The following MEGF10 variants were observed in gnomAD, a reference collection of about 807,000 sequenced individuals.
MEGF10 encodes the protein multiple epidermal growth factor-like domains protein 10.
MEGF10 carries 86 observed loss-of-function variants against 147.5 expected under a neutral mutation model. That is an observed-to-expected ratio of 0.58 (90% CI 0.49 to 0.70). The LOEUF is 0.70. Among genes scored for constraint, MEGF10 ranks in the 30% least tolerant of loss-of-function variants. The pLI, the probability that MEGF10 is intolerant of heterozygous loss-of-function variation, is 0.00. For synonymous variants in MEGF10, 478 were observed against 525.5 expected (o/e 0.91, Z 1.24); for missense variants, 1,329 against 1,487.3 (o/e 0.89, Z 1.75).
intron 1 of MEGF10, among the ~76,000 whole-genome samples, chr5:127,303,635 A>G (rs1013683098): frequency 1.6e-4 from 24 of 152,238 alleles, no homozygotes; most frequent in African/African-American, 5.5e-4. Flanking sequence ...CTAAGATTAA[A>G]CACATTTCCT....
the MEGF10 span, among the ~76,000 whole-genome samples, chr5:127,246,971 A>G: frequency 0.096 from 480 of 5,020 alleles, 24 homozygotes; most frequent in African/African-American, 0.18. Flanking sequence ...ATATAATAAT[A>G]TATGTATAAA....
At chr5:127,319,776 G>T (rs1439348435) in intron 1 of MEGF10, among the ~76,000 whole-genome samples, 1 of 152,148 alleles carries the variant, frequency 6.6e-6, no homozygotes, top group East Asian at 1.9e-4. Flanking sequence ...GCACCCTAGG[G>T]CCAATTATCT....
At chr5:127,400,021 A>C (rs1764065482) in intron 7 of MEGF10, among the ~76,000 whole-genome samples, 1 of 152,242 alleles carries the variant, frequency 6.6e-6, no homozygotes, top group Admixed American at 6.5e-5. Context: ...TAGAGTCTCC[A>C]CAGCCAGACC....
At chr5:127,276,511 G>T in the MEGF10 span, among the ~76,000 whole-genome samples, 1 of 152,216 alleles carries the variant, frequency 6.6e-6, no homozygotes, top group Admixed American at 6.5e-5. Flanking sequence ...CAACTCTGTG[G>T]TTTGGGCAAA....
rs148212621 is a variant in MEGF10, at chr5:127,433,419, C to A, written c.1750C>A (p.Pro584Thr). ...ACGCTGGGGCCCCAACTGCTCCCTG[C>A]CCTGCTACTGTAAAAATGGGGCTTC... ...EGRWGPNCSL[P>T]CYCKNGASCS... The change falls in exon 14 of 25, where the codon CCC (proline) becomes ACC (threonine). Residue 584 changes from proline to threonine, a missense_variant. By Grantham distance (38) the Pro-to-Thr change is conservative. Coordinates refer to ENST00000503335, the MANE Select transcript of MEGF10 (RefSeq NM_001256545.2). 62 of 1,613,988 alleles carry A rather than the reference C, an allele frequency of 3.8e-5. 1 individual carries two copies. The highest frequency in any genetic ancestry group is 4.6e-5 in the Non-Finnish European group (54 of 1,180,002).
chr5:127,410,482 C>T lies in MEGF10; in HGVS notation c.1011C>T (p.Gly337=), dbSNP rs148970564. The T allele has an allele frequency of 3.0e-5, 48 of 1,614,040 alleles. No homozygotes were observed. The highest frequency in any genetic ancestry group is 1.3e-4 in the African/African-American group (10 of 74,934). The change falls in exon 9 of 25, where the codon GGC becomes GGT. Residue 337 remains glycine, a synonymous_variant. Coordinates refer to ENST00000503335, the MANE Select transcript of MEGF10 (RefSeq NM_001256545.2). The part of the protein sequence containing the change: ...VNGGKCYHVS[G]ACLCEAGFAG... ...GAGGGAAGTGTTACCACGTGAGCGGCGCATGCCTCTGTGAAGCAGGCTTTG... is the reference window on the plus strand; with the variant it reads ...GAGGGAAGTGTTACCACGTGAGCGGTGCATGCCTCTGTGAAGCAGGCTTTG...
At chr5:127,277,239 G>T in the MEGF10 span, among the ~76,000 whole-genome samples, 9 of 152,166 alleles carry the variant, frequency 5.9e-5, no homozygotes, top group Non-Finnish European at 1.3e-4. Flanking sequence ...ATCTGGAATT[G>T]CCTTCAACAG....
intron 2 of MEGF10, among the ~76,000 whole-genome samples, chr5:127,338,022 T>G (rs920232135): frequency 1.3e-5 from 2 of 152,126 alleles, no homozygotes; most frequent in Non-Finnish European, 2.9e-5. Flanking sequence ...TGATACATAA[T>G]GACTACCAGA....
chr5:127,309,302 A>G (rs916407845), intron 1 of MEGF10, among the ~76,000 whole-genome samples: 6 of 152,250 alleles, frequency 3.9e-5, no homozygotes, highest in African/African-American at 1.4e-4. Context: ...ATAACATACC[A>G]TACAATTCAG....
chr5:127,447,513 T>G (rs751536850), intron 20 of MEGF10, 44 bp from the exon 21 acceptor site: 1 of 1,612,602 alleles, frequency 6.2e-7, no homozygotes, highest in Admixed American at 1.7e-5. Flanking sequence ...TCACACACAT[T>G]TATGGGAGCC....
intron 2 of MEGF10, among the ~76,000 whole-genome samples, chr5:127,335,803 G>A (rs991771954): frequency 2.0e-5 from 3 of 151,914 alleles, no homozygotes; most frequent in African/African-American, 7.2e-5. Context: ...ACAACATGCT[G>A]TTGGTGGTTA....
chr5:127,449,040 G>T, intron 21 of MEGF10, 59 bp from the exon 22 acceptor site: 2 of 1,598,936 alleles, frequency 1.3e-6, no homozygotes, highest in African/African-American at 1.3e-5. Flanking sequence ...GGTCCATAAC[G>T]CTGTGCTGTG....
chr5:127,445,851 T>A (rs1205935698), intron 20 of MEGF10, among the ~76,000 whole-genome samples, 158 bp downstream of exon 20: 1 of 152,068 alleles, frequency 6.6e-6, no homozygotes, highest in Non-Finnish European at 1.5e-5. Context: ...TAGAGATGAG[T>A]TTTTTATTTC....
At chr5:127,370,156 A>C (rs1762799977) in intron 5 of MEGF10, among the ~76,000 whole-genome samples, 154 bp downstream of exon 5, 1 of 152,234 alleles carries the variant, frequency 6.6e-6, no homozygotes, top group South Asian at 2.1e-4. Context: ...TTTCTTTTAA[A>C]TCTGTACATG....
intron 5 of MEGF10, among the ~76,000 whole-genome samples, chr5:127,383,185 C>A (rs185449920): frequency 6.6e-6 from 1 of 152,214 alleles, no homozygotes; most frequent in East Asian, 1.9e-4. Flanking sequence ...TTGGAAACAA[C>A]TAAAAATATC....
intron 16 of MEGF10, among the ~76,000 whole-genome samples, chr5:127,437,470 A>G (rs1765598459): frequency 6.6e-6 from 1 of 152,194 alleles, no homozygotes; most frequent in Admixed American, 6.5e-5. Flanking sequence ...CTTCATATGT[A>G]TTATTGATTG....
intron 5 of MEGF10, among the ~76,000 whole-genome samples, chr5:127,372,656 A>G (rs1054764691): frequency 1.3e-5 from 2 of 152,150 alleles, no homozygotes; most frequent in Admixed American, 6.5e-5. Flanking sequence ...CTGGCCAGGT[A>G]TCCTGTAGAA....
rs781386256 is a variant in MEGF10, at chr5:127,339,248, A to C, written c.218+27A>C. ...TAATAGAAGCTCAGGCATGTTTGTG[A>C]GTTTGGCTAACTGGGAATAGATTCT... On this transcript the variant is annotated intron_variant, in intron 3 of 24. Coordinates refer to ENST00000503335, the MANE Select transcript of MEGF10 (RefSeq NM_001256545.2). 18 of 1,506,944 alleles carry C rather than the reference A, an allele frequency of 1.2e-5. No individual in the cohort carries two copies. In the African/African-American group the frequency reaches 1.9e-4, roughly 16 times the overall value. The allele number at this position is 1,506,944 out of a possible 1,614,324, so 93.3% of individuals were successfully genotyped here.
At position 127,435,352 on chromosome 5, in the gene MEGF10, T is replaced by G. The variant is rs759695616; in HGVS notation, c.1976-9T>G. On this transcript the variant is annotated splice_polypyrimidine_tract_variant and intron_variant, in intron 15 of 24. Coordinates refer to ENST00000503335, the MANE Select transcript of MEGF10 (RefSeq NM_001256545.2). ...GATTGTGAGTTACTGACCTATAGCTTATTCACAGTGTGTCCCAGTGGCAGA... is the reference window on the plus strand; with the variant it reads ...GATTGTGAGTTACTGACCTATAGCTGATTCACAGTGTGTCCCAGTGGCAGA... The G allele has an allele frequency of 3.1e-6, 5 of 1,613,734 alleles. No homozygotes were observed. Among genetic ancestry groups the G allele is most frequent in the Non-Finnish European group, 4.2e-6 (5 of 1,179,790 alleles).
Sources: gnomAD v4.1 joint callset for allele counts (sites outside exome capture counted in the v4.1 genomes callset) on GRCh38, gnomAD v4.1.1 for gene constraint, MANE v1.5 for transcripts, NCBI Gene and HGNC (gene_info 2026-07-23, HGNC 2026-07-21) for gene names.